Variants in ARHGAP21 observed in about 807,000 individuals in gnomAD.
The protein encoded by ARHGAP21 is Rho GTPase activating protein 21.
A neutral mutation model predicts 164.6 loss-of-function variants in ARHGAP21; 38 were observed. That is an observed-to-expected ratio of 0.23 (90% CI 0.18 to 0.30). The LOEUF is 0.30. Ranked by LOEUF, ARHGAP21 falls within the 10% of genes least tolerant of loss-of-function variation. The pLI, the probability that ARHGAP21 is intolerant of heterozygous loss-of-function variation, is 1.00. For synonymous variants in ARHGAP21, 766 were observed against 857.9 expected, an observed-to-expected ratio of 0.89 and a Z score of 1.87; for missense variants, 1,822 against 2,370.7, an observed-to-expected ratio of 0.77 and a Z score of 4.81.
chr10:24,715,176 T>C (rs530205158), intron 2 of ARHGAP21, among the ~76,000 whole-genome samples: 1 of 152,366 alleles, frequency 6.6e-6, no homozygotes, highest in East Asian at 1.9e-4. Flanking sequence ...ACATATTACC[T>C]ATTTTTAAAG....
At chr10:24,718,773 T>C (rs1292109805) in intron 2 of ARHGAP21, among the ~76,000 whole-genome samples, 1 of 152,092 alleles carries the variant, frequency 6.6e-6, no homozygotes, top group Non-Finnish European at 1.5e-5. Context: ...TTAGCCTAGG[T>C]CAAGAAGCAA....
intron 3 of ARHGAP21, among the ~76,000 whole-genome samples, chr10:24,669,748 T>A (rs1840522911): frequency 6.6e-6 from 1 of 152,234 alleles, no homozygotes; most frequent in Non-Finnish European, 1.5e-5. Context: ...AGCCTGTCGA[T>A]GTAATTCATT....
rs1330971522 is a variant in ARHGAP21 at position 24,620,821 on chromosome 10, G to C, written c.1074C>G (p.Ile358Met). 3.8e-5 allele frequency: 61 copies of C among 1,614,016 alleles called. No homozygotes were observed. The highest frequency in any genetic ancestry group is 4.9e-5 in the Non-Finnish European group (58 of 1,179,998). ...CCACAGCTTGAGATCTGCTGCTTGA[G>C]ATTCCATCAGAATGTCCACTGTAAT... Reference protein sequence around the residue: ...SGNYSGHSDGISSSRSQAVEA... With the variant: ...SGNYSGHSDGMSSSRSQAVEA... Residue 358 changes from isoleucine (I) to methionine (M), a missense_variant, in exon 9 of 26, where the codon ATC becomes ATG. Coordinates refer to ENST00000396432, the MANE Select transcript of ARHGAP21 (RefSeq NM_020824.4).
chr10:24,723,130 G>C (rs547048460), intron 1 of ARHGAP21: 2 of 151,732 alleles, frequency 1.3e-5, no homozygotes, highest in East Asian at 3.9e-4. Flanking sequence ...TAGGAGCCCC[G>C]GGGCGAGACA....
rs150774049 is a variant in ARHGAP21, at chr10:24,638,396, C to T, written c.269-3293G>A. 1.3e-3 allele frequency among the ~76,000 whole-genome samples: 194 copies of T among 152,268 alleles called. 1 individual carries two copies. Among genetic ancestry groups the T allele is most frequent in the East Asian group, 9.9e-3 (51 of 5,172 alleles). The stretch of plus-strand genomic sequence containing the variant: ...TGTCTTCTTTTTAAGATATGTGCTC[C>T]GCAATTTTGCCAGAACTGGAAATCA... On this transcript the variant is annotated intron_variant, in intron 4 of 25. Coordinates refer to ENST00000396432, the MANE Select transcript of ARHGAP21 (RefSeq NM_020824.4).
chr10:24,585,266 T>A lies in ARHGAP21; in HGVS notation c.5023A>T (p.Ser1675Cys). The change falls in exon 26 of 26, where the codon AGT (serine) becomes TGT (cysteine). Residue 1675 changes from serine to cysteine, a missense_variant. By Grantham distance (112) the Ser-to-Cys change is moderately radical (BLOSUM62 -1). This residue lies in a region of ARHGAP21 where 117 missense variants were observed against 193.2 expected (regional missense o/e 0.61). Transcript: ENST00000396432. ...SRRNSEGSEL[S>C]CTEGSLTSSL... Reference sequence around the variant, plus strand: ...GATGTTAAACTTCCCTCGGTGCAACTTAATTCACTTCCTTCAGAATTTCTC... The same window carrying A: ...GATGTTAAACTTCCCTCGGTGCAACATAATTCACTTCCTTCAGAATTTCTC... 1.2e-6 allele frequency: 2 copies of A among 1,607,696 alleles called. No homozygotes were observed. The highest frequency in any genetic ancestry group is 1.7e-6 in the Non-Finnish European group (2 of 1,179,164).
chr10:24,719,861 C>A (rs1215136078), intron 2 of ARHGAP21, among the ~76,000 whole-genome samples: 1 of 152,206 alleles, frequency 6.6e-6, no homozygotes, highest in Non-Finnish European at 1.5e-5. Flanking sequence ...AATAATTACA[C>A]AAGTTCTCTT....
intron 9 of ARHGAP21, among the ~76,000 whole-genome samples, chr10:24,619,261 G>GTTT (rs11389803): frequency 6.7e-6 from 1 of 148,794 alleles, no homozygotes; most frequent in Non-Finnish European, 1.5e-5. Context: ...TGAAGTTTTT[G>GTTT]TTTTTTTTTT....
intron 4 of ARHGAP21, among the ~76,000 whole-genome samples, chr10:24,656,229 C>G (rs1179149226): frequency 1.5e-5 from 2 of 136,052 alleles, no homozygotes; most frequent in Non-Finnish European, 3.2e-5. Flanking sequence ...GTCATCCCCC[C>G]GCCCGGCCAG....
At chr10:24,701,677 G>T (rs1208207924) in intron 2 of ARHGAP21, among the ~76,000 whole-genome samples, 1 of 152,148 alleles carries the variant, frequency 6.6e-6, no homozygotes, top group Non-Finnish European at 1.5e-5. Context: ...GTAGAAACAG[G>T]GTACTGGAGA....
At chr10:24,719,448 G>C (rs1325774624) in intron 2 of ARHGAP21, among the ~76,000 whole-genome samples, 2 of 152,194 alleles carry the variant, frequency 1.3e-5, no homozygotes, top group Non-Finnish European at 2.9e-5. Context: ...ATTCAGAGAA[G>C]GTGGAGTTGG....
intron 2 of ARHGAP21, among the ~76,000 whole-genome samples, chr10:24,694,793 T>G (rs113604538): frequency 6.6e-6 from 1 of 152,284 alleles, no homozygotes; most frequent in Non-Finnish European, 1.5e-5. Context: ...AGTGCACGCC[T>G]GTAATCCCAG....
In ARHGAP21 at chr10:24,591,660, T is replaced by A. The variant is rs768371515; in HGVS notation, c.4026A>T (p.Glu1342Asp). Residue 1342 changes from glutamate to aspartate, a missense_variant, in exon 23 of 26, where the codon GAA (glutamate) becomes GAT (aspartate). Coordinates refer to ENST00000396432, the MANE Select transcript of ARHGAP21 (RefSeq NM_020824.4). ...TACTTACAAGAGGCTCTTCAGCACC[T>A]TCTTCTGTGAAAAACCAGTCATGCT... ...IQHHDWFFTE[E>D]GAEEPLTTVQ... is the part of the protein sequence containing the mutation. 1.9e-6 allele frequency: 3 copies of A among 1,614,108 alleles called. No homozygotes were observed. The highest frequency in any genetic ancestry group is 2.5e-6 in the Non-Finnish European group (3 of 1,179,968).
chr10:24,689,094 T>C lies in ARHGAP21; in HGVS notation c.64-18697A>G, dbSNP rs571934347. On this transcript the variant is annotated intron_variant, in intron 2 of 25. Coordinates refer to ENST00000396432, the MANE Select transcript of ARHGAP21 (RefSeq NM_020824.4). ...AAAATCATAGATCTAGTTGAGCCAA[T>C]TTATTTTACAAATACAGACACTGAG... Among the ~76,000 whole-genome samples, 7 of 152,294 alleles carry C rather than the reference T, an allele frequency of 4.6e-5. No homozygotes were observed. The East Asian group carries it at 1.4e-3, about 29-fold the overall frequency.
Position 24,619,623 on chromosome 10 carries a change from A to G in ARHGAP21, c.2272T>C (p.Leu758=), listed in dbSNP as rs1407546305. The G allele has an allele frequency of 1.2e-6, 2 of 1,614,172 alleles. No homozygotes were observed. Among genetic ancestry groups the G allele is most frequent in the African/African-American group, 2.7e-5 (2 of 75,048 alleles). The part of the protein sequence containing the change: ...PQPLRHQSYI[L]AVNDQETGSD... The stretch of plus-strand genomic sequence containing the variant: ...CCGGTCTCCTGGTCATTTACTGCCA[A>G]GATGTAAGACTGATGCCTTAAAGGC... The change falls in exon 9 of 26, where the codon TTG becomes CTG. Residue 758 remains leucine (L), a synonymous_variant. Transcript: ENST00000396432.
At position 24,601,828 on chromosome 10, in the gene ARHGAP21, C is replaced by T. The variant is rs568858484; in HGVS notation, c.2847+150G>A. ...ATAATTAGAATTTTTTTAAGGAATA[C>T]TTTTTTTAATGTAGAAAAATCTATT... On this transcript the variant is annotated intron_variant, in intron 13 of 25. Coordinates refer to ENST00000396432, the MANE Select transcript of ARHGAP21 (RefSeq NM_020824.4). 3.9e-6 allele frequency: 4 copies of T among 1,021,464 alleles called. No homozygotes were observed. The African/African-American group carries it at 5.0e-5, about 13-fold the overall frequency. 63.3% of individuals were successfully genotyped at this position (1,021,464 alleles called of 1,614,324 possible). A position where few individuals can be genotyped will look rare whatever the true frequency, so the allele number is the denominator to read the frequency against.
Position 24,591,345 on chromosome 10 carries a change from C to G in ARHGAP21, c.4045-15G>C. 1 of 1,582,216 alleles carries G rather than the reference C, an allele frequency of 6.3e-7. No homozygotes were observed. Among genetic ancestry groups the G allele is most frequent in the Non-Finnish European group, 8.6e-7 (1 of 1,156,818 alleles). ...TGCACTGTTGTCTATGGTTAATAAACAAAGATCTCTTCATCATCTCTTCAA... is the reference window on the plus strand; with the variant it reads ...TGCACTGTTGTCTATGGTTAATAAAGAAAGATCTCTTCATCATCTCTTCAA... On this transcript the variant is annotated splice_polypyrimidine_tract_variant and intron_variant, in intron 23 of 25. Coordinates refer to ENST00000396432, the MANE Select transcript of ARHGAP21 (RefSeq NM_020824.4).
chr10:24,677,883 G>C (rs1183928482), intron 2 of ARHGAP21, among the ~76,000 whole-genome samples: 1 of 152,164 alleles, frequency 6.6e-6, no homozygotes, highest in Non-Finnish European at 1.5e-5. Flanking sequence ...ATACACGGAT[G>C]AATAAAATAG....
In ARHGAP21 at chr10:24,678,059, C is replaced by T. The variant is rs567077715; in HGVS notation, c.64-7662G>A. ...GGAGGGCAGCTTGAGCCCAGGAGTT[C>T]GAGACCAGCCTGGGCAACATAGTGA... On this transcript the variant is annotated intron_variant, in intron 2 of 25. Coordinates refer to ENST00000396432, the MANE Select transcript of ARHGAP21 (RefSeq NM_020824.4). Among the ~76,000 whole-genome samples, 6 of 150,570 alleles carry T rather than the reference C, an allele frequency of 4.0e-5. No individual in the cohort carries two copies. The East Asian group carries it at 1.2e-3, about 30-fold the overall frequency.
Sources: gnomAD v4.1 joint callset for allele counts (sites outside exome capture counted in the v4.1 genomes callset) on GRCh38, gnomAD v4.1.1 for gene constraint, gnomAD v4.1.1 regional missense constraint, MANE v1.5 for transcripts, NCBI Gene and HGNC (gene_info 2026-07-23, HGNC 2026-07-21) for gene names.